Variants in TEP1 observed in about 807,000 individuals in gnomAD.
TEP1 encodes telomerase protein component 1.
A neutral mutation model predicts 306.3 loss-of-function variants in TEP1; 241 were observed. That is an observed-to-expected ratio of 0.79 (90% CI 0.71 to 0.88). The LOEUF is 0.88. TEP1 is among the 40% of genes least tolerant of loss of function. TEP1 has a pLI of 0.00. For synonymous variants in TEP1, 1,289 were observed against 1,305.5 expected (o/e 0.99, Z 0.27); for missense variants, 3,051 against 3,276.1 (o/e 0.93, Z 1.68).
Position 20,378,128 on chromosome 14 carries a change from C to T in TEP1, c.5617G>A (p.Glu1873Lys). ...GGGAAGGCAGCCAGCCGTGCCCCTTCTCGCCAGGCCCACAGCTCCACCATA... is the reference window on the plus strand; with the variant it reads ...GGGAAGGCAGCCAGCCGTGCCCCTTTTCGCCAGGCCCACAGCTCCACCATA... Reference protein sequence around the residue: ...DSMVELWAWREGARLAAFPAH... With the variant: ...DSMVELWAWRKGARLAAFPAH... Residue 1873 changes from glutamate (E) to lysine (K), a missense_variant, in exon 39 of 55, where the codon GAA becomes AAA. Around this residue, in one of 3 missense-constraint regions of TEP1, gnomAD observed 1,540 missense variants for 1,705.9 expected, o/e 0.90. Transcript: ENST00000262715. 6.2e-7 allele frequency: 1 copy of T among 1,613,974 alleles called. No homozygotes were observed. The highest frequency in any genetic ancestry group is 1.1e-5 in the South Asian group (1 of 91,088).
chr14:20,384,493 C>G lies in TEP1; in HGVS notation c.3237G>C (p.Trp1079Cys). Reference protein sequence around the residue: ...GITCRRYPCEWGGVAAGRPYV... With the variant: ...GITCRRYPCECGGVAAGRPYV... ...AGGGCCGGCCAGCTGCCACACCCCC[C>G]CACTCACAGGGGTATCTGTGGGCAA... The change falls in exon 23 of 55, where the codon TGG becomes TGC. Residue 1079 changes from tryptophan to cysteine, a missense_variant. Around this residue, in one of 3 missense-constraint regions of TEP1, gnomAD observed 1,507 missense variants for 1,550.5 expected, o/e 0.97. Coordinates refer to ENST00000262715, the MANE Select transcript of TEP1 (RefSeq NM_007110.5). 1.9e-6 allele frequency: 3 copies of G among 1,614,154 alleles called. No individual in the cohort carries two copies. Among genetic ancestry groups the G allele is most frequent in the South Asian group, 1.1e-5 (1 of 91,082 alleles).
At chr14:20,403,940 A>G in intron 5 of TEP1, 56 bp from the exon 6 acceptor site, 1 of 1,609,314 alleles carries the variant, frequency 6.2e-7, no homozygotes, top group Non-Finnish European at 8.5e-7. Context: ...ACCCTCCAAA[A>G]CAAAACGAGA....
At chr14:20,403,244 G>T in intron 7 of TEP1, 133 bp downstream of exon 7, 2 of 1,093,764 alleles carry the variant, frequency 1.8e-6, no homozygotes, top group Non-Finnish European at 2.6e-6. Flanking sequence ...AGTGCTCTCA[G>T]AACCTTACCC....
At chr14:20,404,799 A>C (rs552518843) in intron 4 of TEP1, 27 bp from the exon 5 acceptor site, 3 of 1,576,598 alleles carry the variant, frequency 1.9e-6, no homozygotes, top group South Asian at 1.2e-5. Context: ...GAGGACTAGA[A>C]TCTCAGTCAC....
At chr14:20,411,152 T>G (rs2678685) in intron 1 of TEP1, among the ~76,000 whole-genome samples, 81,789 of 151,936 alleles carry the variant, frequency 0.54, 22,257 homozygotes, top group African/African-American at 0.61. Context: ...TACAACTCCT[T>G]AAGGTAAGGG....
At chr14:20,370,439 T>C (rs148752202) in intron 51 of TEP1, among the ~76,000 whole-genome samples, 8 of 152,340 alleles carry the variant, frequency 5.3e-5, no homozygotes, top group African/African-American at 1.9e-4. Context: ...TTAGGTGAAA[T>C]CATATAGTAT....
In TEP1 at chr14:20,386,211, T is replaced by C. The variant is rs1877129388; in HGVS notation, c.2862-16A>G. On this transcript the variant is annotated splice_polypyrimidine_tract_variant and intron_variant, in intron 19 of 54. Coordinates refer to ENST00000262715, the MANE Select transcript of TEP1 (RefSeq NM_007110.5). Reference sequence around the variant, plus strand: ...TTCCAGTTGTCTGTAGGCATGATGATAGGGACGTGTGGGAGTCACTGGGGG... The same window carrying C: ...TTCCAGTTGTCTGTAGGCATGATGACAGGGACGTGTGGGAGTCACTGGGGG... 1.2e-6 allele frequency: 2 copies of C among 1,613,746 alleles called. No individual in the cohort carries two copies. The highest frequency in any genetic ancestry group is 1.3e-5 in the African/African-American group (1 of 74,902).
chr14:20,370,953 G>A (rs1332577204), intron 51 of TEP1, among the ~76,000 whole-genome samples: 1 of 152,120 alleles, frequency 6.6e-6, no homozygotes, highest in Non-Finnish European at 1.5e-5. Flanking sequence ...AGAGAGACAC[G>A]GGAAAAAATG....
At chr14:20,396,043 G>T in intron 10 of TEP1, 94 bp from the exon 11 acceptor site, 1 of 829,046 alleles carries the variant, frequency 1.2e-6, no homozygotes, top group Non-Finnish European at 1.9e-6. Flanking sequence ...GGAAGGTACA[G>T]AAGGACAAAA....
chr14:20,389,148 A>T (rs990288834), intron 17 of TEP1, 90 bp downstream of exon 17: 22 of 286,290 alleles, frequency 7.7e-5, no homozygotes, highest in Middle Eastern at 5.2e-4. Flanking sequence ...ATTCTGTCTT[A>T]AAAAAAAAAA....
chr14:20,372,777 C>T lies in TEP1; in HGVS notation c.7032G>A (p.Glu2344=), dbSNP rs1429918752. 1.2e-6 allele frequency: 2 copies of T among 1,614,166 alleles called. No homozygotes were observed. Among genetic ancestry groups the T allele is most frequent in the African/African-American group, 1.3e-5 (1 of 75,026 alleles). The change falls in exon 49 of 55, where the codon GAG becomes GAA. Residue 2344 remains glutamate (E), a synonymous_variant. Transcript: ENST00000262715. ...AACCCTTCCGCAGTTTCACTTGCCA[C>T]TCGCTGATTTTCTCATCAGCACTGA... is the stretch of plus-strand genomic sequence containing the variant. ...FVLSADEKIS[E]WQVKLRKGSA...
At chr14:20,385,309 C>T (rs1047541012) in intron 20 of TEP1, among the ~76,000 whole-genome samples, 200 bp from the exon 21 acceptor site, 3 of 152,062 alleles carry the variant, frequency 2.0e-5, no homozygotes, top group Admixed American at 1.3e-4. Context: ...TAATAGCTAA[C>T]ATTCATTGAA....
At chr14:20,409,895 A>G (rs952444830) in intron 1 of TEP1, among the ~76,000 whole-genome samples, 55 of 151,472 alleles carry the variant, frequency 3.6e-4, no homozygotes, top group Non-Finnish European at 6.2e-4. Flanking sequence ...GGTGGCGGGC[A>G]CCTGTAGTCC....
In TEP1 at chr14:20,386,921, C is replaced by A. The variant is rs146378910; in HGVS notation, c.2685-298G>T. Among the ~76,000 whole-genome samples, 6 of 152,084 alleles carry A rather than the reference C, an allele frequency of 3.9e-5. No homozygotes were observed. The East Asian group carries it at 1.2e-3, about 30-fold the overall frequency. On this transcript the variant is annotated intron_variant, in intron 18 of 54. Coordinates refer to ENST00000262715, the MANE Select transcript of TEP1 (RefSeq NM_007110.5). Reference sequence around the variant, plus strand: ...AGCACTATCATTATCTCCATTTTAGCAATCAAGAAACGATAACTTTTTTTT... The same window carrying A: ...AGCACTATCATTATCTCCATTTTAGAAATCAAGAAACGATAACTTTTTTTT...
rs1877656995 is a variant in TEP1, at chr14:20,390,973, GGAT to G, written c.2218_2220del (p.Ile740del). The G allele has an allele frequency of 1.2e-6, 2 of 1,614,158 alleles. No homozygotes were observed. The highest frequency in any genetic ancestry group is 1.7e-6 in the Non-Finnish European group (2 of 1,180,034). ...GCCTGGAGCTTGATGGCAGTCTTCA[GGAT>G]GCCTTCTTCTGCCTTAAGCACTGCA... On this transcript the variant is annotated inframe_deletion, in exon 14 of 55. Coordinates refer to ENST00000262715, the MANE Select transcript of TEP1 (RefSeq NM_007110.5).
intron 49 of TEP1, among the ~76,000 whole-genome samples, chr14:20,372,360 ATATGTGTGTGTGTGTGTG>A (rs1056775553): frequency 1.4e-4 from 19 of 138,258 alleles, no homozygotes; most frequent in Middle Eastern, 3.6e-3. Flanking sequence ...AGCCCCAGGA[ATATGTGTGTGTGTGTGTG>A]TATGTGTGTG....
rs758346602 is a variant in TEP1, at chr14:20,376,159, C to T, written c.6194G>A (p.Ser2065Asn). The T allele has an allele frequency of 1.9e-6, 3 of 1,614,222 alleles. No individual in the cohort carries two copies. In the East Asian group the frequency reaches 6.7e-5, roughly 36 times the overall value. ...TCCATCAGTGCTGAAACTACAGCAGCTCACAGGGCCCTCATGTCCCCGCAG... is the reference window on the plus strand; with the variant it reads ...TCCATCAGTGCTGAAACTACAGCAGTTCACAGGGCCCTCATGTCCCCGCAG... The part of the protein sequence containing the change: ...TELRGHEGPV[S>N]CCSFSTDGGS... The change falls in exon 42 of 55, where the codon AGC (serine) becomes AAC (asparagine). Residue 2065 changes from serine (S) to asparagine (N), a missense_variant. Physicochemically the swap from Ser to Asn is conservative, Grantham distance 46 (BLOSUM62 1). Around this residue, in one of 3 missense-constraint regions of TEP1, gnomAD observed 1,540 missense variants for 1,705.9 expected, o/e 0.90. Coordinates refer to ENST00000262715, the MANE Select transcript of TEP1 (RefSeq NM_007110.5).
rs1704194662 is a variant in TEP1, at chr14:20,383,510, C to T, written c.3845G>A (p.Trp1282Ter). 6.2e-7 allele frequency: 1 copy of T among 1,614,198 alleles called. No homozygotes were observed. Among genetic ancestry groups the T allele is most frequent in the Admixed American group, 1.7e-5 (1 of 60,024 alleles). ...CACCCGGGGAAGCTTCTTTGGGATC[C>T]AGTCTGAAATCAGCTGCCCATTCTG... ...VDQNGQLISD[W>*]IPKKLPRCVH... The change falls in exon 26 of 55, where the codon TGG (tryptophan) becomes TAG (stop). Residue 1282 changes from tryptophan to a stop codon, truncating the protein, a stop_gained. Coordinates refer to ENST00000262715, the MANE Select transcript of TEP1 (RefSeq NM_007110.5). LOFTEE classifies it high-confidence loss of function.
At chr14:20,397,777 G>A (rs1183658759) in intron 9 of TEP1, among the ~76,000 whole-genome samples, 1 of 150,834 alleles carries the variant, frequency 6.6e-6, no homozygotes, top group African/African-American at 2.4e-5. Context: ...TTTTTGAGAC[G>A]GAGTCTCACT....
Sources: allele counts gnomAD v4.1 joint callset (sites outside exome capture counted in the v4.1 genomes callset), GRCh38; gene constraint gnomAD v4.1.1; regional missense constraint gnomAD v4.1.1; transcripts MANE v1.5; gene names NCBI Gene and HGNC (gene_info 2026-07-23, HGNC 2026-07-21).